IQCM: variants seen among roughly 807,000 people sequenced by gnomAD.
IQCM encodes IQ domain-containing protein M.
Under a neutral mutation model 57.6 loss-of-function variants are expected in IQCM, and 45 were observed. That is an observed-to-expected ratio of 0.78 (90% confidence interval 0.62 to 1.00). IQCM has a LOEUF of 1.00. IQCM is among the 50% of genes least tolerant of loss of function. IQCM has a pLI of 0.00. For missense variants in IQCM, 468 were observed against 511.6 expected, an observed-to-expected ratio of 0.91 and a Z score of 0.82; for synonymous variants, 148 against 158.9, an observed-to-expected ratio of 0.93 and a Z score of 0.51.
rs147775216 is a variant in IQCM, at chr4:149,808,949, T to C, written c.-49+6362A>G. ...GGAAGTAAAAAGGTAGCAAACACTTTTGAAGATGTTTGGTTTGGAATATTT... is the reference window on the plus strand; with the variant it reads ...GGAAGTAAAAAGGTAGCAAACACTTCTGAAGATGTTTGGTTTGGAATATTT... On this transcript the variant is annotated intron_variant, in intron 2 of 13. Coordinates refer to ENST00000636793, the MANE Select transcript of IQCM (RefSeq NM_001363507.2). Among the ~76,000 whole-genome samples the C allele has an allele frequency of 4.4e-3, 671 of 152,282 alleles. 2 individuals carry two copies. The highest frequency in any genetic ancestry group is 6.6e-3 in the Non-Finnish European group (451 of 68,020).
intron 7 of IQCM, among the ~76,000 whole-genome samples, chr4:149,646,221 C>T (rs1237840175): frequency 6.6e-6 from 1 of 152,032 alleles, no homozygotes; most frequent in Admixed American, 6.5e-5. Context: ...ATTATACTTC[C>T]CCTTAATTAA....
intron 13 of IQCM, among the ~76,000 whole-genome samples, chr4:149,379,309 T>A (rs1240783254): frequency 1.3e-5 from 2 of 152,122 alleles, no homozygotes; most frequent in Non-Finnish European, 2.9e-5. Context: ...GATCCCTGAA[T>A]GGTAGATCCA....
In IQCM at chr4:149,463,708, T is replaced by C. The variant is rs558292961; in HGVS notation, c.1229-30151A>G. On this transcript the variant is annotated intron_variant, in intron 12 of 13. Transcript: ENST00000636793. ...GTTTTTATTTTGTTTCCCTTTAAAA[T>C]GAACTCATTGTTCTTTACAAGATGC... Among the ~76,000 whole-genome samples, 175 of 152,302 alleles carry C rather than the reference T, an allele frequency of 1.1e-3. 1 individual carries two copies. Among genetic ancestry groups the C allele is most frequent in the African/African-American group, 4.1e-3 (172 of 41,580 alleles).
chr4:149,520,353 GTTCCT>G (rs1745501638), intron 12 of IQCM, among the ~76,000 whole-genome samples: 3 of 151,628 alleles, frequency 2.0e-5, no homozygotes, highest in Non-Finnish European at 4.4e-5. Context: ...TGAAGAACAC[GTTCCT>G]GTTTTCCTGG....
At chr4:149,556,455 A>G (rs1475128203) in intron 10 of IQCM, among the ~76,000 whole-genome samples, 2 of 152,144 alleles carry the variant, frequency 1.3e-5, no homozygotes, top group Admixed American at 1.3e-4. Flanking sequence ...ATATTTCAGC[A>G]ATTATTTTGC....
chr4:149,667,041 G>C (rs1760793052), intron 7 of IQCM, among the ~76,000 whole-genome samples: 1 of 152,126 alleles, frequency 6.6e-6, no homozygotes. Flanking sequence ...GCTCTGAAAA[G>C]AACAGCAGAT....
chr4:149,392,287 A>G (rs1430452270), intron 13 of IQCM, among the ~76,000 whole-genome samples: 3 of 152,048 alleles, frequency 2.0e-5, no homozygotes, highest in Non-Finnish European at 4.4e-5. Flanking sequence ...TTGGGCAAAA[A>G]TAAACGGAGA....
At chr4:149,375,785 A>G (rs992265295) in intron 13 of IQCM, among the ~76,000 whole-genome samples, 1 of 152,190 alleles carries the variant, frequency 6.6e-6, no homozygotes, top group Non-Finnish European at 1.5e-5. Flanking sequence ...CTCAGAAAAC[A>G]GAATTGGCTG....
intron 9 of IQCM, among the ~76,000 whole-genome samples, chr4:149,571,707 C>A (rs1751178870): frequency 6.6e-6 from 1 of 151,986 alleles, no homozygotes. Context: ...AGTCATTCCG[C>A]AACATATATA....
chr4:149,411,049 T>C (rs1365633954), intron 13 of IQCM, among the ~76,000 whole-genome samples: 1 of 152,136 alleles, frequency 6.6e-6, no homozygotes, highest in Non-Finnish European at 1.5e-5. Flanking sequence ...TTGCCATTGA[T>C]ATGGGCATCC....
intron 10 of IQCM, among the ~76,000 whole-genome samples, chr4:149,563,307 G>A (rs544825684): frequency 6.6e-6 from 1 of 152,252 alleles, no homozygotes; most frequent in East Asian, 1.9e-4. Context: ...TTTAAGAATA[G>A]GTGGTCCCAG....
At chr4:149,489,034 A>G (rs1319092714) in intron 12 of IQCM, among the ~76,000 whole-genome samples, 1 of 152,152 alleles carries the variant, frequency 6.6e-6, no homozygotes. Flanking sequence ...GACTTTCATG[A>G]TCAGCCCTCT....
intron 7 of IQCM, among the ~76,000 whole-genome samples, chr4:149,664,055 T>C (rs1336276013): frequency 6.6e-6 from 1 of 152,130 alleles, no homozygotes; most frequent in East Asian, 1.9e-4. Flanking sequence ...AGTTTATAAA[T>C]TTTTCTGCTT....
At chr4:149,508,273 A>G (rs970856119) in intron 12 of IQCM, among the ~76,000 whole-genome samples, 1 of 151,944 alleles carries the variant, frequency 6.6e-6, no homozygotes, top group African/African-American at 2.4e-5. Flanking sequence ...GAAGAGGGCC[A>G]CCATCCTCCA....
chr4:149,738,647 G>A (rs1767166139), intron 3 of IQCM, among the ~76,000 whole-genome samples: 1 of 152,178 alleles, frequency 6.6e-6, no homozygotes, highest in South Asian at 2.1e-4. Flanking sequence ...GCCTGAGACT[G>A]TTCATAAAGG....
intron 2 of IQCM, among the ~76,000 whole-genome samples, chr4:149,791,713 T>C (rs933741206): frequency 6.6e-6 from 1 of 152,176 alleles, no homozygotes; most frequent in Non-Finnish European, 1.5e-5. Flanking sequence ...ATAAGTAACA[T>C]AACCATACTT....
intron 2 of IQCM, among the ~76,000 whole-genome samples, chr4:149,753,226 G>C (rs1768626747): frequency 6.6e-6 from 1 of 151,908 alleles, no homozygotes; most frequent in Non-Finnish European, 1.5e-5. Flanking sequence ...AATTGGAATA[G>C]TAATTTACTC....
intron 13 of IQCM, among the ~76,000 whole-genome samples, chr4:149,353,808 A>G (rs894141722): frequency 2.6e-5 from 4 of 152,180 alleles, no homozygotes; most frequent in Non-Finnish European, 5.9e-5. Flanking sequence ...AAAGTAGCTC[A>G]GGGATCACAA....
intron 13 of IQCM, among the ~76,000 whole-genome samples, chr4:149,389,311 T>C (rs1162305260): frequency 3.3e-5 from 5 of 152,012 alleles, no homozygotes; most frequent in African/African-American, 1.2e-4. Flanking sequence ...TGAGAGTTTG[T>C]TTCTGGGCTC....
Sources: allele counts gnomAD v4.1 joint callset (sites outside exome capture counted in the v4.1 genomes callset), GRCh38; gene constraint gnomAD v4.1.1; transcripts MANE v1.5; gene names NCBI Gene and HGNC (gene_info 2026-07-23, HGNC 2026-07-21).